WRAP73: variants seen among roughly 807,000 people sequenced by gnomAD.
The protein encoded by WRAP73 is WD repeat containing, antisense to TP73.
Under a neutral mutation model 59.6 loss-of-function variants are expected in WRAP73, and 55 were observed. The ratio of observed to expected loss-of-function variants is 0.92; its 90% CI spans 0.74 to 1.15. WRAP73 has a LOEUF of 1.15. WRAP73 is among the 50% of genes most tolerant of loss of function. WRAP73 has a pLI of 0.00. For synonymous variants in WRAP73, 265 were observed against 258.2 expected (o/e 1.03, Z -0.25); for missense variants, 592 against 608.1 (o/e 0.97, Z 0.28).
intron 6 of WRAP73, chr1:3,635,679 G>A (rs1644583029): frequency 2.0e-6 from 1 of 497,214 alleles, no homozygotes; most frequent in African/African-American, 1.9e-5. Context: ...AAATTAGCCG[G>A]GCGTGGTGGT....
Position 3,630,800 on chromosome 1 carries a change from TAATAA to T in WRAP73, c.*170_*174del, listed in dbSNP as rs1644522328. 1 of 765,534 alleles carries T rather than the reference TAATAA, an allele frequency of 1.3e-6. No individual in the cohort carries two copies. The highest frequency in any genetic ancestry group is 3.2e-5 in the Admixed American group (1 of 31,410). The allele number at this position is 765,534 out of a possible 1,614,324, so 47.4% of individuals were successfully genotyped here. On this transcript the variant is annotated 3_prime_UTR_variant, in exon 12 of 12. Transcript: ENST00000270708. ...TAAATCAGCAAGTATTTATTTTAAA[TAATAA>T]AACTACAGTTTTATACCATACATAT...
chr1:3,647,650 G>T, intron 1 of WRAP73, 90 bp from the exon 2 acceptor site: 1 of 1,428,882 alleles, frequency 7.0e-7, no homozygotes, highest in African/African-American at 1.4e-5. Context: ...TTCAGTGACT[G>T]TGGCCTTCTC....
rs1400475568 is a variant in WRAP73 at position 3,639,131 on chromosome 1, C to T, written c.340-309G>A. ...GACCATAGGTTGCATGTTATAATAA[C>T]CCTGAGTTACTCAGAGAAAAATCTT... On this transcript the variant is annotated intron_variant, in intron 3 of 11. Coordinates refer to ENST00000270708, the MANE Select transcript of WRAP73 (RefSeq NM_017818.4). The surrounding 1 kb of genome is among the most constrained non-coding windows in gnomAD (Gnocchi z 4.3). 1 of 324,586 alleles carries T rather than the reference C, an allele frequency of 3.1e-6. No homozygotes were observed. The highest frequency in any genetic ancestry group is 5.7e-6 in the Non-Finnish European group (1 of 175,982). The allele number at this position is 324,586 out of a possible 1,614,324, so 20.1% of individuals were successfully genotyped here. A position where few individuals can be genotyped will look rare whatever the true frequency, so the allele number is the denominator to read the frequency against.
chr1:3,632,765 AG>A (rs1644550408), intron 9 of WRAP73: 1 of 267,660 alleles, frequency 3.7e-6, no homozygotes, highest in Non-Finnish European at 7.3e-6. Context: ...CAGCAGAAGC[AG>A]GGGCTGTGGA....
intron 3 of WRAP73, among the ~76,000 whole-genome samples, chr1:3,645,462 C>T (rs1374600287): frequency 6.8e-6 from 1 of 146,570 alleles, no homozygotes; most frequent in Non-Finnish European, 1.5e-5. Flanking sequence ...GTGCGCCGTG[C>T]AGCGGGACGG....
rs1346949195 is a variant in WRAP73 at position 3,630,944 on chromosome 1, C to T, written c.*31G>A. ...TTCCCACACTGGAAACACAGAGTAG[C>T]CCTGTTTCTGCACACGTTAGTGCAC... On this transcript the variant is annotated 3_prime_UTR_variant, in exon 12 of 12. Transcript: ENST00000270708. 1.9e-6 allele frequency: 3 copies of T among 1,601,320 alleles called. No homozygotes were observed. The highest frequency in any genetic ancestry group is 1.7e-4 in the Middle Eastern group (1 of 5,846).
At chr1:3,635,424 G>T in intron 6 of WRAP73, 130 bp from the exon 7 acceptor site, 1 of 1,264,486 alleles carries the variant, frequency 7.9e-7, no homozygotes, top group Non-Finnish European at 1.1e-6. Flanking sequence ...CGTGGCCGTG[G>T]AAAAGCTGGA....
In WRAP73 at chr1:3,639,174, G is replaced by A. The variant is rs561814377; in HGVS notation, c.340-352C>T. 2.4e-5 allele frequency: 6 copies of A among 249,198 alleles called. No homozygotes were observed. In the East Asian group the frequency reaches 4.0e-4, roughly 16 times the overall value. The allele number at this position is 249,198 out of a possible 1,614,324, so 15.4% of individuals were successfully genotyped here. A position where few individuals can be genotyped will look rare whatever the true frequency, so the allele number is the denominator to read the frequency against. On this transcript the variant is annotated intron_variant, in intron 3 of 11. Coordinates refer to ENST00000270708, the MANE Select transcript of WRAP73 (RefSeq NM_017818.4). The surrounding 1 kb of genome is among the most constrained non-coding windows in gnomAD (Gnocchi z 4.3). ...AAAATCTTGATCTAGAAACCACCAC[G>A]GGTTCAGTCTCCTTTATGGGAAGAC...
In WRAP73 at chr1:3,649,925, G is replaced by T. The variant is rs998632908; in HGVS notation, c.69+6C>A. 4 of 1,598,208 alleles carry T rather than the reference G, an allele frequency of 2.5e-6. No individual in the cohort carries two copies. Among genetic ancestry groups the T allele is most frequent in the African/African-American group, 2.7e-5 (2 of 73,730 alleles). The stretch of plus-strand genomic sequence containing the variant: ...CCTGCCCGTGGCCCAGGTCCCCGCC[G>T]CTCACCAGGTACTTGCCGTCCGGGG... On this transcript the variant is annotated splice_donor_region_variant and intron_variant, in intron 1 of 11. Coordinates refer to ENST00000270708, the MANE Select transcript of WRAP73 (RefSeq NM_017818.4).
In WRAP73 at chr1:3,647,562, T is replaced by TA; in HGVS notation, c.70-3dup. On this transcript the variant is annotated splice_region_variant and splice_polypyrimidine_tract_variant and intron_variant, in intron 1 of 11. Coordinates refer to ENST00000270708, the MANE Select transcript of WRAP73 (RefSeq NM_017818.4). ...TAACCGGTACTGGACACAGGAAGCC[T>TA]AAAAAATATGAGAAAGCAAGCACCT... 6.2e-7 allele frequency: 1 copy of TA among 1,609,422 alleles called. No homozygotes were observed. The highest frequency in any genetic ancestry group is 8.5e-7 in the Non-Finnish European group (1 of 1,178,232).
intron 10 of WRAP73, 67 bp downstream of exon 10, chr1:3,632,146 C>A (rs201052122): frequency 3.3e-6 from 5 of 1,528,174 alleles, no homozygotes; most frequent in African/African-American, 2.8e-5. Flanking sequence ...CTTTTCCAGT[C>A]GCTTCTACAC....
rs758368124 is a variant in WRAP73, at chr1:3,631,509, C to G, written c.1197G>C (p.Leu399=). The change falls in exon 11 of 12, where the codon CTG becomes CTC. Residue 399 remains leucine, a synonymous_variant. Coordinates refer to ENST00000270708, the MANE Select transcript of WRAP73 (RefSeq NM_017818.4). ...CCGACATGCAGCCCGCTGGGGACCA[C>G]AGGTAGAGCCTGCTGCCTCCCGTGC... is the stretch of plus-strand genomic sequence containing the variant. The part of the protein sequence containing the change: ...AICTGGSRLY[L]WSPAGCMSVQ... 6.2e-7 allele frequency: 1 copy of G among 1,609,494 alleles called. No homozygotes were observed. Among genetic ancestry groups the G allele is most frequent in the Non-Finnish European group, 8.5e-7 (1 of 1,178,474 alleles).
At chr1:3,636,942 G>A (rs747136005) in intron 5 of WRAP73, 53 bp downstream of exon 5, 18 of 1,550,062 alleles carry the variant, frequency 1.2e-5, no homozygotes, top group Non-Finnish European at 1.6e-5. Flanking sequence ...TACTTCACTC[G>A]ATCCCTCCAC....
At chr1:3,642,603 G>A (rs943821617) in intron 3 of WRAP73, among the ~76,000 whole-genome samples, 2 of 152,096 alleles carry the variant, frequency 1.3e-5, no homozygotes, top group Admixed American at 6.5e-5. Flanking sequence ...CAGGCGTGGT[G>A]GCGCATGCCT....
rs963357584 is a variant in WRAP73, at chr1:3,636,028, A to C, written c.519T>G (p.His173Gln). 2 of 1,613,452 alleles carry C rather than the reference A, an allele frequency of 1.2e-6. No homozygotes were observed. The highest frequency in any genetic ancestry group is 1.3e-5 in the African/African-American group (1 of 74,886). ...TGAGATCCTGGGTGTCCGTATCAAA[A>C]TGCTTCCAAAGGAAGGGGGGGAAAC... The part of the protein sequence containing the change: ...FVCSDWQLLR[H>Q]FDTDTQDLTG... The change falls in exon 6 of 12, where the codon CAT becomes CAG. Residue 173 changes from histidine to glutamine, a missense_variant and splice_region_variant. Coordinates refer to ENST00000270708, the MANE Select transcript of WRAP73 (RefSeq NM_017818.4).
intron 3 of WRAP73, among the ~76,000 whole-genome samples, chr1:3,644,667 A>G (rs1644673344): frequency 6.6e-6 from 1 of 152,234 alleles, no homozygotes; most frequent in African/African-American, 2.4e-5. Context: ...TAAGGCCACC[A>G]GCAAAGTGGT....
At chr1:3,641,575 G>A (rs946577360) in intron 3 of WRAP73, among the ~76,000 whole-genome samples, 5 of 152,188 alleles carry the variant, frequency 3.3e-5, no homozygotes, top group African/African-American at 9.7e-5. Context: ...AGCAGGCACC[G>A]GCTGCCGGAC....
chr1:3,636,800 T>A, intron 5 of WRAP73, 195 bp downstream of exon 5: 1 of 680,400 alleles, frequency 1.5e-6, no homozygotes. Context: ...TGGGCACGCG[T>A]CCTTTTCACC....
At chr1:3,642,059 A>G (rs1380666052) in intron 3 of WRAP73, among the ~76,000 whole-genome samples, 1 of 152,264 alleles carries the variant, frequency 6.6e-6, no homozygotes, top group Non-Finnish European at 1.5e-5. Flanking sequence ...AAAAGTTTGT[A>G]TGCAGCTAAC....
Sources: allele counts gnomAD v4.1 joint callset (sites outside exome capture counted in the v4.1 genomes callset), GRCh38; gene constraint gnomAD v4.1.1; non-coding constraint Gnocchi (gnomAD v3.1); transcripts MANE v1.5; gene names NCBI Gene and HGNC (gene_info 2026-07-23, HGNC 2026-07-21).